SAYSD1: variants seen among roughly 807,000 people sequenced by gnomAD.
The protein encoded by SAYSD1 is SAYSvFN domain-containing protein 1.
In SAYSD1, 15 loss-of-function variants were observed where a neutral mutation model predicts 14.5. The observed-to-expected ratio is 1.03, with a 90% CI of 0.69 to 1.59. SAYSD1 has a LOEUF of 1.59. Among genes scored for constraint, SAYSD1 ranks in the 40% most tolerant of loss-of-function variants. The pLI, the probability that SAYSD1 is intolerant of heterozygous loss-of-function variation, is 0.00. For synonymous variants in SAYSD1, 105 were observed against 102.6 expected (o/e 1.02, Z -0.14); for missense variants, 247 against 227.3 (o/e 1.09, Z -0.56).
intron 1 of SAYSD1, chr6:39,111,986 A>C (rs776240894): frequency 1.6e-4 from 25 of 152,246 alleles, no homozygotes; most frequent in Non-Finnish European, 2.1e-4. Flanking sequence ...AGGAAAGTGG[A>C]GCAACATAGG....
chr6:39,105,894 ATTCTTTC>A, intron 1 of SAYSD1, 118 bp from the exon 2 acceptor site: 1 of 849,652 alleles, frequency 1.2e-6, no homozygotes, highest in Non-Finnish European at 1.8e-6. Flanking sequence ...ATTGATTTCT[ATTCTTTC>A]ATGCAACTCT....
At chr6:39,114,542 G>A (rs1445417052) in intron 1 of SAYSD1, among the ~76,000 whole-genome samples, 1 of 152,230 alleles carries the variant, frequency 6.6e-6, no homozygotes, top group African/African-American at 2.4e-5. Context: ...ATTAGCAGAG[G>A]GCTGTGGCTC....
rs769011827 is a variant in SAYSD1 at position 39,114,856 on chromosome 6, C to T, written c.207+27G>A. 3 of 1,606,154 alleles carry T rather than the reference C, an allele frequency of 1.9e-6. No homozygotes were observed. The East Asian group carries it at 6.7e-5, about 36-fold the overall frequency. ...TCGACTGTGGCTCCGAGGCCAGGTC[C>T]TAGGGCCGAAGTTTCCATCGTCTCA... On this transcript the variant is annotated intron_variant, in intron 1 of 1. Coordinates refer to ENST00000229903, the MANE Select transcript of SAYSD1 (RefSeq NM_018322.3).
chr6:39,114,881 A>C lies in SAYSD1; in HGVS notation c.207+2T>G. 6.2e-7 allele frequency: 1 copy of C among 1,611,544 alleles called. No homozygotes were observed. Among genetic ancestry groups the C allele is most frequent in the Non-Finnish European group, 8.5e-7 (1 of 1,179,484 alleles). On this transcript the variant is annotated splice_donor_variant, in intron 1 of 1. Transcript: ENST00000229903. LOFTEE classifies it high-confidence loss of function. ...CTAGGGCCGAAGTTTCCATCGTCTC[A>C]CCTGAACTAGGCCGGGCTGGGCCCG... is the stretch of plus-strand genomic sequence containing the variant.
chr6:39,109,183 A>T, intron 1 of SAYSD1: 1 of 885,316 alleles, frequency 1.1e-6, no homozygotes, highest in Admixed American at 2.1e-5. Flanking sequence ...GCCTGAGCCA[A>T]GGCCTGGAGG....
intron 1 of SAYSD1, among the ~76,000 whole-genome samples, chr6:39,106,777 A>G (rs1769512791): frequency 1.3e-5 from 2 of 152,218 alleles, no homozygotes; most frequent in Non-Finnish European, 2.9e-5. Context: ...ATAAAATCCA[A>G]ACTCCTTGGG....
rs929034932 is a variant in SAYSD1, at chr6:39,105,643, C to A, written c.341G>T (p.Gly114Val). 6.2e-7 allele frequency: 1 copy of A among 1,614,166 alleles called. No individual in the cohort carries two copies. The highest frequency in any genetic ancestry group is 8.5e-7 in the Non-Finnish European group (1 of 1,180,026). The change falls in exon 2 of 2, where the codon GGA (glycine) becomes GTA (valine). Residue 114 changes from glycine to valine, a missense_variant. Gly to Val is a moderately radical substitution (Grantham distance 109). Coordinates refer to ENST00000229903, the MANE Select transcript of SAYSD1 (RefSeq NM_018322.3). ...LKVLLWLVLL[G>V]LFVELEFGLA... ...GCCAAATTCCAGTTCCACAAACAGT[C>A]CCAGCAGGACCAACCAGAGAAGAAC...
chr6:39,115,150 T>C lies in SAYSD1; in HGVS notation c.-61A>G, dbSNP rs982647446. The stretch of plus-strand genomic sequence containing the variant: ...CGCGCGCCCGCAGGCCGCACAGCAG[T>C]TGCCTCCGCTCGGCCCGCGCCGGCC... On this transcript the variant is annotated 5_prime_UTR_variant, in exon 1 of 2. Coordinates refer to ENST00000229903, the MANE Select transcript of SAYSD1 (RefSeq NM_018322.3). 8 of 1,469,616 alleles carry C rather than the reference T, an allele frequency of 5.4e-6. No homozygotes were observed. In the African/African-American group the frequency reaches 5.7e-5, roughly 10 times the overall value. The allele number at this position is 1,469,616 out of a possible 1,614,324, so 91.0% of individuals were successfully genotyped here. A position where few individuals can be genotyped will look rare whatever the true frequency, so the allele number is the denominator to read the frequency against.
Position 39,114,885 on chromosome 6 carries a change from G to C in SAYSD1, c.205C>G (p.Gln69Glu), listed in dbSNP as rs759179838. ...GGCCGAAGTTTCCATCGTCTCACCT[G>C]AACTAGGCCGGGCTGGGCCCGGGCA... ...ASARAQPGLV[Q>E]EAAQPQGSTS... Residue 69 changes from glutamine (Q) to glutamate (E), a missense_variant and splice_region_variant, in exon 1 of 2, where the codon CAG (glutamine) becomes GAG (glutamate). Gln to Glu is a conservative substitution (Grantham distance 29). Transcript: ENST00000229903. The C allele has an allele frequency of 3.1e-6, 5 of 1,611,930 alleles. No homozygotes were observed. In the African/African-American group the frequency reaches 5.3e-5, roughly 17 times the overall value.
chr6:39,105,671 T>G lies in SAYSD1; in HGVS notation c.313A>C (p.Lys105Gln). Residue 105 changes from lysine to glutamine, a missense_variant, in exon 2 of 2, where the codon AAG (lysine) becomes CAG (glutamine). Physicochemically the swap from Lys to Gln is moderately conservative, Grantham distance 53. Transcript: ENST00000229903. ...QSFLTNITFL[K>Q]VLLWLVLLGL... is the part of the protein sequence containing the mutation. ...AGCAGGACCAACCAGAGAAGAACCT[T>G]CAAGAAGGTGATATTGGTCAGGAAA... 1 of 1,614,092 alleles carries G rather than the reference T, an allele frequency of 6.2e-7. No homozygotes were observed.
At chr6:39,109,419 C>T (rs895401720) in intron 1 of SAYSD1, 30 of 1,549,436 alleles carry the variant, frequency 1.9e-5, no homozygotes, top group Non-Finnish European at 2.5e-5. Flanking sequence ...TAGATACTTC[C>T]TCATCAATGA....
intron 1 of SAYSD1, among the ~76,000 whole-genome samples, chr6:39,108,774 T>G (rs912258996): frequency 6.6e-6 from 1 of 152,162 alleles, no homozygotes. Flanking sequence ...GGTGGTTCCT[T>G]CTTGTTAAAT....
rs1769588836 is a variant in SAYSD1, at chr6:39,109,612, T to C, written c.208-3836A>G. The C allele has an allele frequency of 3.1e-6, 4 of 1,309,246 alleles. No individual in the cohort carries two copies. In the South Asian group the frequency reaches 5.3e-5, roughly 17 times the overall value. The allele number at this position is 1,309,246 out of a possible 1,614,324, so 81.1% of individuals were successfully genotyped here. On this transcript the variant is annotated intron_variant, in intron 1 of 1. Transcript: ENST00000229903. The stretch of plus-strand genomic sequence containing the variant: ...GTGCATATACATTACAGTTTCTTGA[T>C]CCCTTCATCTGTAGATGGACAGGAG...
intron 1 of SAYSD1, chr6:39,111,176 A>G (rs913538529): frequency 6.6e-6 from 1 of 152,144 alleles, no homozygotes; most frequent in Non-Finnish European, 1.5e-5. Context: ...TATATAGTAA[A>G]TGGAAAGGGA....
In SAYSD1 at chr6:39,105,215, T is replaced by C; in HGVS notation, c.*217A>G. On this transcript the variant is annotated 3_prime_UTR_variant, in exon 2 of 2. Coordinates refer to ENST00000229903, the MANE Select transcript of SAYSD1 (RefSeq NM_018322.3). ...TTCTTGAGTACATAATTTTTATAAA[T>C]TGCGTCGGACCCACAGTGAATGTAT... is the stretch of plus-strand genomic sequence containing the variant. The C allele has an allele frequency of 1.9e-6, 1 of 538,212 alleles. No individual in the cohort carries two copies. Among genetic ancestry groups the C allele is most frequent in the Non-Finnish European group, 3.3e-6 (1 of 302,680 alleles). The allele number at this position is 538,212 out of a possible 1,614,324, so 33.3% of individuals were successfully genotyped here.
Position 39,114,945 on chromosome 6 carries a change from T to C in SAYSD1, c.145A>G (p.Lys49Glu). 6.2e-7 allele frequency: 1 copy of C among 1,613,830 alleles called. No individual in the cohort carries two copies. The highest frequency in any genetic ancestry group is 8.5e-7 in the Non-Finnish European group (1 of 1,179,912). The change falls in exon 1 of 2, where the codon AAG becomes GAG. Residue 49 changes from lysine (K) to glutamate (E), a missense_variant. Coordinates refer to ENST00000229903, the MANE Select transcript of SAYSD1 (RefSeq NM_018322.3). ...CTAGGTTTCCATACCAGGAACCGCT[T>C]TAGCCAGCCTGGGGCTGCCTTTAGA... ...ATLKAAPGWL[K>E]RFLVWKPRPA...
At chr6:39,111,099 C>T (rs998175706) in intron 1 of SAYSD1, 2 of 152,046 alleles carry the variant, frequency 1.3e-5, no homozygotes, top group African/African-American at 4.8e-5. Flanking sequence ...ACTTTTACTA[C>T]CAAGCAGTGT....
In SAYSD1 at chr6:39,105,498, G is replaced by T; in HGVS notation, c.486C>A (p.Ile162=). The change falls in exon 2 of 2, where the codon ATC becomes ATA. Residue 162 remains isoleucine (I), a synonymous_variant. Coordinates refer to ENST00000229903, the MANE Select transcript of SAYSD1 (RefSeq NM_018322.3). ...ACTGCTCTGCAGTCAGGGTGCCCTG[G>T]ATGGCTTCACAGCCTGGATTGAACA... ...YSVFNPGCEA[I]QGTLTAEQLE... The T allele has an allele frequency of 6.2e-7, 1 of 1,614,226 alleles. No individual in the cohort carries two copies.
intron 1 of SAYSD1, among the ~76,000 whole-genome samples, chr6:39,108,966 T>C (rs561294672): frequency 2.1e-4 from 32 of 152,162 alleles, no homozygotes; most frequent in Non-Finnish European, 2.1e-4. Context: ...TGTACAAGAG[T>C]AGGACTTGTG....
Sources: gnomAD v4.1 joint callset for allele counts (sites outside exome capture counted in the v4.1 genomes callset) on GRCh38, gnomAD v4.1.1 for gene constraint, MANE v1.5 for transcripts, NCBI Gene and HGNC (gene_info 2026-07-23, HGNC 2026-07-21) for gene names.